Variants in GRM7 observed in about 807,000 individuals in gnomAD.
The protein encoded by GRM7 is glutamate metabotropic receptor 7.
A neutral mutation model predicts 84.5 loss-of-function variants in GRM7; 35 were observed. The observed-to-expected ratio is 0.41, with a 90% confidence interval of 0.32 to 0.55. The LOEUF is 0.55. Ranked by LOEUF, GRM7 falls within the 20% of genes least tolerant of loss-of-function variation. The pLI, the probability that GRM7 is intolerant of heterozygous loss-of-function variation, is 0.19. For synonymous variants in GRM7, 487 were observed against 455.1 expected (o/e 1.07, Z -0.89); for missense variants, 1,003 against 1,194.6 (o/e 0.84, Z 2.36).
chr3:7,095,138 G>T (rs545864348), intron 1 of GRM7, among the ~76,000 whole-genome samples: 1 of 152,174 alleles, frequency 6.6e-6, no homozygotes, highest in African/African-American at 2.4e-5. Context: ...GTAAGAAAGA[G>T]ACTTGGTGAA....
chr3:7,522,702 A>T (rs1043757222), intron 7 of GRM7, among the ~76,000 whole-genome samples: 1 of 152,184 alleles, frequency 6.6e-6, no homozygotes, highest in Admixed American at 6.5e-5. Flanking sequence ...ACATGTCAAG[A>T]TCACAGGCTG....
intron 1 of GRM7, among the ~76,000 whole-genome samples, chr3:6,950,538 A>C (rs1376572287): frequency 6.6e-6 from 1 of 152,218 alleles, no homozygotes; most frequent in Admixed American, 6.5e-5. Context: ...GCCCGTTCTC[A>C]GATCTCCAGC....
At chr3:6,898,425 G>A (rs79508798) in intron 1 of GRM7, among the ~76,000 whole-genome samples, 4,170 of 149,552 alleles carry the variant, frequency 0.028, 211 homozygotes, top group African/African-American at 0.097. Flanking sequence ...AAAAAGGCAG[G>A]GCAGAGCACG....
intron 4 of GRM7, among the ~76,000 whole-genome samples, chr3:7,391,666 A>C (rs1248321579): frequency 1.3e-5 from 2 of 152,098 alleles, no homozygotes; most frequent in African/African-American, 2.4e-5. Context: ...TATGTAACAA[A>C]CCTGCACATT....
intron 1 of GRM7, among the ~76,000 whole-genome samples, chr3:7,037,481 A>G (rs1696427434): frequency 6.6e-6 from 1 of 152,182 alleles, no homozygotes; most frequent in South Asian, 2.1e-4. Context: ...AATTGTTTTA[A>G]GAATTGAGTG....
At chr3:7,337,938 GAC>G (rs938674504) in intron 4 of GRM7, among the ~76,000 whole-genome samples, 3 of 151,816 alleles carry the variant, frequency 2.0e-5, no homozygotes, top group Admixed American at 6.6e-5. Context: ...ATATGAAAAA[GAC>G]AGTTGCACAT....
At chr3:7,331,444 C>A (rs1172899507) in intron 4 of GRM7, among the ~76,000 whole-genome samples, 1 of 152,190 alleles carries the variant, frequency 6.6e-6, no homozygotes, top group East Asian at 1.9e-4. Flanking sequence ...TTTTAAAATA[C>A]AGCAGAAGCA....
At position 7,241,415 on chromosome 3, in the gene GRM7, T is replaced by C. The variant is rs1279588582; in HGVS notation, c.737-57269T>C. On this transcript the variant is annotated intron_variant, in intron 2 of 9. Coordinates refer to ENST00000357716, the MANE Select transcript of GRM7 (RefSeq NM_000844.4). ...ATTAATATAATAGTCATCATTAGCA[T>C]TATTTTTTATCCTTAGAACTTACTT... 2.0e-5 allele frequency among the ~76,000 whole-genome samples: 3 copies of C among 152,194 alleles called. No homozygotes were observed. In the East Asian group the frequency reaches 5.8e-4, roughly 29 times the overall value.
chr3:6,889,843 C>T (rs1003676090), intron 1 of GRM7, among the ~76,000 whole-genome samples: 6 of 152,146 alleles, frequency 3.9e-5, no homozygotes, highest in African/African-American at 1.4e-4. Flanking sequence ...TAGAATTCGG[C>T]TGTGAATCCA....
chr3:7,245,318 G>A (rs1016929009), intron 2 of GRM7, among the ~76,000 whole-genome samples: 4 of 151,898 alleles, frequency 2.6e-5, no homozygotes, highest in Non-Finnish European at 4.4e-5. Flanking sequence ...CGAATCTCAG[G>A]CAGGGTAATA....
At chr3:7,300,898 C>T (rs62234953) in intron 3 of GRM7, among the ~76,000 whole-genome samples, 71,845 of 152,008 alleles carry the variant, frequency 0.47, 18,634 homozygotes, top group Non-Finnish European at 0.6. Context: ...TGCTTTTGTA[C>T]TGTCAATAAC....
intron 7 of GRM7, among the ~76,000 whole-genome samples, chr3:7,544,410 C>T (rs1693039015): frequency 6.6e-6 from 1 of 152,150 alleles, no homozygotes; most frequent in South Asian, 2.1e-4. Context: ...CCCTCCTCAG[C>T]CTCGCAAAGC....
chr3:7,126,139 T>C (rs6443089), intron 1 of GRM7, among the ~76,000 whole-genome samples: 39,089 of 152,014 alleles, frequency 0.26, 6,063 homozygotes, highest in African/African-American at 0.44. Flanking sequence ...TGGTGGGTTG[T>C]AAAGATGGGC....
intron 1 of GRM7, among the ~76,000 whole-genome samples, chr3:6,939,824 T>A (rs1454971974): frequency 6.6e-6 from 1 of 152,104 alleles, no homozygotes; most frequent in Non-Finnish European, 1.5e-5. Context: ...CCTTCAAATC[T>A]AGAGCAAAGT....
chr3:7,443,313 A>T (rs1376357650), intron 5 of GRM7, among the ~76,000 whole-genome samples: 1 of 152,164 alleles, frequency 6.6e-6, no homozygotes, highest in East Asian at 1.9e-4. Context: ...TCAGCATGCA[A>T]CTTTAAGATA....
chr3:7,441,141 G>T (rs574352658), intron 5 of GRM7, among the ~76,000 whole-genome samples: 76 of 151,902 alleles, frequency 5.0e-4, no homozygotes, highest in African/African-American at 1.7e-3. Flanking sequence ...TTTTTTTTCT[G>T]CAACCTCACC....
At chr3:7,621,483 C>T (rs1697349995) in intron 8 of GRM7, among the ~76,000 whole-genome samples, 1 of 152,082 alleles carries the variant, frequency 6.6e-6, no homozygotes, top group Non-Finnish European at 1.5e-5. Context: ...CCGGAATGCA[C>T]CTGTAAAATG....
intron 1 of GRM7, among the ~76,000 whole-genome samples, chr3:6,904,606 C>G (rs1696501983): frequency 1.3e-5 from 2 of 152,186 alleles, no homozygotes; most frequent in South Asian, 4.1e-4. Flanking sequence ...GATGCTACCT[C>G]TTTTGTGTAC....
At chr3:7,110,746 A>G (rs1450435164) in intron 1 of GRM7, among the ~76,000 whole-genome samples, 1 of 152,076 alleles carries the variant, frequency 6.6e-6, no homozygotes, top group African/African-American at 2.4e-5. Context: ...AGGCTCATGG[A>G]TAAAGCATAG....
Sources: allele counts gnomAD v4.1 joint callset (sites outside exome capture counted in the v4.1 genomes callset), GRCh38; gene constraint gnomAD v4.1.1; transcripts MANE v1.5; gene names NCBI Gene and HGNC (gene_info 2026-07-23, HGNC 2026-07-21).